TPH2: variants seen among roughly 807,000 people sequenced by gnomAD.
TPH2 encodes tryptophan 5-hydroxylase 2.
TPH2 carries 27 observed loss-of-function variants against 59.1 expected under a neutral mutation model. The ratio of observed to expected loss-of-function variants is 0.46; its 90% CI spans 0.34 to 0.63. The LOEUF is 0.63. Among genes scored for constraint, TPH2 ranks in the 30% least tolerant of loss-of-function variants. The pLI, the probability that TPH2 is intolerant of heterozygous loss-of-function variation, is 0.01. For missense variants in TPH2, 523 were observed against 588.3 expected (o/e 0.89, Z 1.15); for synonymous variants, 220 against 210.5 (o/e 1.05, Z -0.39).
chr12:71,983,612 C>A (rs1013039203), intron 7 of TPH2, among the ~76,000 whole-genome samples: 4 of 152,094 alleles, frequency 2.6e-5, no homozygotes, highest in Non-Finnish European at 4.4e-5. Context: ...TGCCCTCCGT[C>A]CACCTCATCT....
In TPH2 at chr12:72,006,306, G is replaced by A. The variant is rs1872951513; in HGVS notation, c.1068+11741G>A. On this transcript the variant is annotated intron_variant, in intron 8 of 10. Transcript: ENST00000333850. ...AATAGGTGCAGAAACCACTGCAATGGGGTTTTGCAGTAGGGGAGAGAGATT... is the reference window on the plus strand; with the variant it reads ...AATAGGTGCAGAAACCACTGCAATGAGGTTTTGCAGTAGGGGAGAGAGATT... Among the ~76,000 whole-genome samples the A allele has an allele frequency of 4.6e-5, 7 of 152,248 alleles. No homozygotes were observed. The South Asian group carries it at 1.5e-3, about 32-fold the overall frequency.
At chr12:71,947,767 T>G (rs1218434670) in intron 4 of TPH2, among the ~76,000 whole-genome samples, 1 of 152,038 alleles carries the variant, frequency 6.6e-6, no homozygotes, top group Non-Finnish European at 1.5e-5. Context: ...CCACAACATT[T>G]GCGTAATCAC....
chr12:71,939,840 T>C (rs986399187), intron 1 of TPH2, among the ~76,000 whole-genome samples: 3 of 152,228 alleles, frequency 2.0e-5, no homozygotes, highest in Non-Finnish European at 2.9e-5. Flanking sequence ...ATCCAGGTCC[T>C]AGTCATTAAA....
At chr12:71,971,103 A>G (rs1314786151) in intron 5 of TPH2, among the ~76,000 whole-genome samples, 1 of 152,138 alleles carries the variant, frequency 6.6e-6, no homozygotes, top group African/African-American at 2.4e-5. Context: ...ATAGTCCTCT[A>G]TCTCATTTTT....
chr12:72,022,251 A>G, intron 8 of TPH2, 148 bp from the exon 9 acceptor site: 1 of 694,616 alleles, frequency 1.4e-6, no homozygotes, highest in East Asian at 2.7e-5. Flanking sequence ...AAGAGAATAG[A>G]TTTCAATAAA....
chr12:72,027,512 G>A (rs1037053336), intron 9 of TPH2, among the ~76,000 whole-genome samples: 6 of 152,126 alleles, frequency 3.9e-5, no homozygotes, highest in African/African-American at 1.4e-4. Context: ...AAAGTAATTT[G>A]CCCAAGGACA....
intron 7 of TPH2, 94 bp downstream of exon 7, chr12:71,979,181 A>G: frequency 1.3e-6 from 2 of 1,536,406 alleles, no homozygotes; most frequent in Non-Finnish European, 1.8e-6. Context: ...TTACCTCCAA[A>G]CTAATTTCCT....
chr12:71,975,859 A>G (rs1459307254), intron 6 of TPH2, among the ~76,000 whole-genome samples: 1 of 152,254 alleles, frequency 6.6e-6, no homozygotes, highest in African/African-American at 2.4e-5. Context: ...TTCTCCTGTC[A>G]TCTTCTTCTT....
intron 6 of TPH2, 76 bp downstream of exon 6, chr12:71,972,791 GCTCTTTTTC>G: frequency 6.9e-7 from 1 of 1,452,770 alleles, no homozygotes; most frequent in Admixed American, 1.9e-5. Context: ...TGCAGCAATG[GCTCTTTTTC>G]CAAAAAAGGA....
chr12:71,967,187 A>G lies in TPH2; in HGVS notation c.609-5332A>G, dbSNP rs75467315. ...GGACTCACACAAAATAACTGTATCT[A>G]TACCTGCCCTCAATTAGATTTGTCT... On this transcript the variant is annotated intron_variant, in intron 5 of 10. Coordinates refer to ENST00000333850, the MANE Select transcript of TPH2 (RefSeq NM_173353.4). Among the ~76,000 whole-genome samples the G allele has an allele frequency of 4.9e-3, 745 of 152,328 alleles. 7 individuals are homozygous for G. Among genetic ancestry groups the G allele is most frequent in the African/African-American group, 0.017 (694 of 41,574 alleles).
In TPH2 at chr12:71,944,319, T is replaced by C; in HGVS notation, c.281T>C (p.Ile94Thr). Residue 94 changes from isoleucine (I) to threonine (T), a missense_variant, in exon 3 of 11, where the codon ATT becomes ACT. By Grantham distance (89) the Ile-to-Thr change is moderately conservative. Coordinates refer to ENST00000333850, the MANE Select transcript of TPH2 (RefSeq NM_173353.4). ...GAAAAACGTGTCAACATGGTTCATA[T>C]TGAATCCAGGAAATCTCGGCGAAGA... is the stretch of plus-strand genomic sequence containing the variant. ...FQEKRVNMVH[I>T]ESRKSRRRSS... 6.2e-7 allele frequency: 1 copy of C among 1,613,852 alleles called. No individual in the cohort carries two copies. The highest frequency in any genetic ancestry group is 8.5e-7 in the Non-Finnish European group (1 of 1,179,806).
intron 7 of TPH2, among the ~76,000 whole-genome samples, chr12:71,989,945 CT>C (rs1872541705): frequency 1.4e-5 from 1 of 72,216 alleles, no homozygotes; most frequent in African/African-American, 4.1e-5. Context: ...GATATCAGCT[CT>C]TGGTTTTTTT....
rs58438005 is a variant in TPH2, at chr12:72,012,173, T to TCAACAACAACAACAA, written c.1069-10216_1069-10202dup. On this transcript the variant is annotated intron_variant, in intron 8 of 10. Transcript: ENST00000333850. The stretch of plus-strand genomic sequence containing the variant: ...AGGCAGGATGATAGAGAGCAGGAAT[T>TCAACAACAACAACAA]CAACAACAACAACAACAACAACAAT... Among the ~76,000 whole-genome samples the TCAACAACAACAACAA allele has an allele frequency of 2.5e-3, 383 of 151,650 alleles. 6 individuals are homozygous for TCAACAACAACAACAA. The highest frequency in any genetic ancestry group is 0.014 in the East Asian group (72 of 5,132).
intron 7 of TPH2, among the ~76,000 whole-genome samples, chr12:71,985,242 C>T (rs1423216065): frequency 6.6e-6 from 1 of 152,230 alleles, no homozygotes; most frequent in Non-Finnish European, 1.5e-5. Context: ...GGAGTAATGC[C>T]AGCACCTGTG....
chr12:71,969,656 T>G (rs1871918259), intron 5 of TPH2, among the ~76,000 whole-genome samples: 1 of 152,242 alleles, frequency 6.6e-6, no homozygotes, highest in African/African-American at 2.4e-5. Context: ...TATGAGATTT[T>G]CTACATATGA....
At chr12:72,009,570 A>G (rs970751961) in intron 8 of TPH2, among the ~76,000 whole-genome samples, 1 of 152,220 alleles carries the variant, frequency 6.6e-6, no homozygotes, top group Non-Finnish European at 1.5e-5. Context: ...AGCTCTCTTG[A>G]GCAGTGCTAG....
At chr12:71,942,392 T>C (rs1191953818) in intron 2 of TPH2, among the ~76,000 whole-genome samples, 1 of 152,158 alleles carries the variant, frequency 6.6e-6, no homozygotes, top group African/African-American at 2.4e-5. Flanking sequence ...ATGTACCTAA[T>C]GGTTTCTGTA....
intron 8 of TPH2, among the ~76,000 whole-genome samples, chr12:72,007,118 T>C (rs1042187193): frequency 2.0e-5 from 3 of 152,162 alleles, no homozygotes; most frequent in African/African-American, 4.8e-5. Context: ...AAAATGGTTT[T>C]AGATGGAGAT....
Position 71,944,277 on chromosome 12 carries a change from T to C in TPH2, c.256-17T>C, listed in dbSNP as rs752855504. The C allele has an allele frequency of 1.2e-6, 2 of 1,613,594 alleles. No homozygotes were observed. The highest frequency in any genetic ancestry group is 1.7e-6 in the Non-Finnish European group (2 of 1,179,634). Reference sequence around the variant, plus strand: ...ATTGTCCCTGAAGGTGATTTTCAGATGCTCGTGTTTCCACAGGAAAAACGT... The same window carrying C: ...ATTGTCCCTGAAGGTGATTTTCAGACGCTCGTGTTTCCACAGGAAAAACGT... On this transcript the variant is annotated splice_polypyrimidine_tract_variant and intron_variant, in intron 2 of 10. Coordinates refer to ENST00000333850, the MANE Select transcript of TPH2 (RefSeq NM_173353.4).
Sources: gnomAD v4.1 joint callset for allele counts (sites outside exome capture counted in the v4.1 genomes callset) on GRCh38, gnomAD v4.1.1 for gene constraint, MANE v1.5 for transcripts, NCBI Gene and HGNC (gene_info 2026-07-23, HGNC 2026-07-21) for gene names.